The following PPP1R9A variants were observed in gnomAD, a reference collection of about 807,000 sequenced individuals.
PPP1R9A encodes neurabin-1.
A neutral mutation model predicts 141.9 loss-of-function variants in PPP1R9A; 59 were observed. That is an observed-to-expected ratio of 0.42 (90% CI 0.34 to 0.52). The LOEUF is 0.52. Among genes scored for constraint, PPP1R9A ranks in the 20% least tolerant of loss-of-function variants. The probability of loss-of-function intolerance (pLI) is 0.10; values close to 1 mark genes in which losing one functional copy is unlikely to be tolerated. For synonymous variants in PPP1R9A, 500 were observed against 569.7 expected (o/e 0.88, Z 1.74); for missense variants, 1,444 against 1,611.9 (o/e 0.90, Z 1.78).
At chr7:95,288,783 T>G in intron 19 of PPP1R9A, 65 bp downstream of exon 19, 1 of 1,544,830 alleles carries the variant, frequency 6.5e-7, no homozygotes, top group Admixed American at 1.9e-5. Context: ...TCACCTAAAA[T>G]GTTTTCATTA....
intron 7 of PPP1R9A, among the ~76,000 whole-genome samples, chr7:95,204,522 G>T (rs1790270890): frequency 6.6e-6 from 1 of 151,880 alleles, no homozygotes; most frequent in Non-Finnish European, 1.5e-5. Flanking sequence ...GAATCACAAG[G>T]TGCTTGGAAA....
chr7:95,078,773 G>A (rs1257550390), intron 2 of PPP1R9A, among the ~76,000 whole-genome samples: 1 of 150,930 alleles, frequency 6.6e-6, no homozygotes, highest in Non-Finnish European at 1.5e-5. Flanking sequence ...CTGCATAAAT[G>A]TCTTCTTTTG....
intron 12 of PPP1R9A, among the ~76,000 whole-genome samples, chr7:95,258,690 A>G (rs193025832): frequency 2.6e-5 from 4 of 152,196 alleles, no homozygotes; most frequent in African/African-American, 9.7e-5. Context: ...ACATAGTAGA[A>G]AAATGGGCAA....
rs1436769684 is a variant in PPP1R9A, at chr7:95,225,975, C to T, written c.1971C>T (p.Ala657=). 3 of 1,606,680 alleles carry T rather than the reference C, an allele frequency of 1.9e-6. No homozygotes were observed. In the South Asian group the frequency reaches 3.3e-5, roughly 18 times the overall value. The change falls in exon 8 of 20, where the codon GCC becomes GCT. Residue 657 remains alanine (A), a synonymous_variant. Transcript: ENST00000433360. ...CTTCCTTTCAGACAGGAGAATATGC[C>T]ACAGATGAAGAAGAAGATGAGGTAG... ...NNYFLKTGEY[A]TDEEEDEVGP... is the part of the protein sequence containing the mutation.
At chr7:94,999,475 A>G (rs957090158) in intron 2 of PPP1R9A, among the ~76,000 whole-genome samples, 8 of 152,218 alleles carry the variant, frequency 5.3e-5, no homozygotes, top group African/African-American at 7.2e-5. Context: ...TTGAAGAATT[A>G]TGTTGCTGCT....
intron 2 of PPP1R9A, among the ~76,000 whole-genome samples, chr7:94,916,289 C>T (rs1360150500): frequency 1.3e-5 from 2 of 152,138 alleles, no homozygotes; most frequent in Non-Finnish European, 2.9e-5. Context: ...AGGAAAACCA[C>T]GTTAACAGTA....
At chr7:95,185,649 T>C (rs553795305) in intron 5 of PPP1R9A, among the ~76,000 whole-genome samples, 6 of 152,326 alleles carry the variant, frequency 3.9e-5, no homozygotes, top group Admixed American at 1.3e-4. Flanking sequence ...CTAGAATTTT[T>C]ATGGTTTCAG....
chr7:95,214,844 C>A (rs966877767), intron 7 of PPP1R9A, among the ~76,000 whole-genome samples: 2 of 152,024 alleles, frequency 1.3e-5, no homozygotes, highest in African/African-American at 4.8e-5. Context: ...TACCAATGAC[C>A]TGACAAGGTG....
chr7:95,008,634 G>A (rs551800031), intron 2 of PPP1R9A, among the ~76,000 whole-genome samples: 4 of 152,110 alleles, frequency 2.6e-5, no homozygotes, highest in African/African-American at 9.7e-5. Flanking sequence ...TTGTCCTCTG[G>A]TAGAAGAGGT....
intron 5 of PPP1R9A, among the ~76,000 whole-genome samples, chr7:95,195,851 G>A (rs1836192645): frequency 6.6e-6 from 1 of 152,068 alleles, no homozygotes; most frequent in Non-Finnish European, 1.5e-5. Context: ...AAGAGTTCAA[G>A]AACAGCCTGG....
chr7:95,020,454 GTTAT>G (rs975572067), intron 2 of PPP1R9A, among the ~76,000 whole-genome samples: 5 of 151,898 alleles, frequency 3.3e-5, no homozygotes, highest in Non-Finnish European at 5.9e-5. Context: ...CATTTTTGTT[GTTAT>G]TTATTTATTT....
intron 4 of PPP1R9A, among the ~76,000 whole-genome samples, chr7:95,132,737 C>T (rs1824890981): frequency 6.6e-6 from 1 of 151,334 alleles, no homozygotes; most frequent in Non-Finnish European, 1.5e-5. Flanking sequence ...AGTCTGGATG[C>T]TGCACCCGCC....
At chr7:94,965,713 T>C (rs1798130965) in intron 2 of PPP1R9A, among the ~76,000 whole-genome samples, 1 of 152,220 alleles carries the variant, frequency 6.6e-6, no homozygotes, top group Admixed American at 6.5e-5. Context: ...GCTGTTTTGG[T>C]TACTGTAGCC....
At chr7:95,171,870 A>G (rs1832164640) in intron 5 of PPP1R9A, among the ~76,000 whole-genome samples, 1 of 151,652 alleles carries the variant, frequency 6.6e-6, no homozygotes, top group Admixed American at 6.6e-5. Flanking sequence ...AATACAAACT[A>G]TCACAAACCA....
intron 2 of PPP1R9A, among the ~76,000 whole-genome samples, chr7:94,989,906 G>C (rs564054825): frequency 1.1e-3 from 168 of 152,140 alleles, no homozygotes; most frequent in African/African-American, 3.9e-3. Context: ...ATATAATAAA[G>C]TAGTTGTGAA....
intron 4 of PPP1R9A, among the ~76,000 whole-genome samples, chr7:95,123,367 G>A (rs1822973565): frequency 6.6e-6 from 1 of 152,120 alleles, no homozygotes; most frequent in African/African-American, 2.4e-5. Context: ...ATGTAACTTG[G>A]GCCAGGCGAG....
At chr7:94,916,376 C>T (rs1202187775) in intron 2 of PPP1R9A, among the ~76,000 whole-genome samples, 1 of 152,192 alleles carries the variant, frequency 6.6e-6, no homozygotes, top group Admixed American at 6.5e-5. Context: ...CAAGAGATCA[C>T]TCTTTGGAAT....
At chr7:95,267,657 AT>A (rs1801507962) in intron 12 of PPP1R9A, among the ~76,000 whole-genome samples, 1 of 151,940 alleles carries the variant, frequency 6.6e-6, no homozygotes, top group East Asian at 1.9e-4. Context: ...TTAATAGTTC[AT>A]TTTCTTTGTG....
intron 2 of PPP1R9A, among the ~76,000 whole-genome samples, chr7:95,003,344 T>G (rs2151541990): frequency 6.6e-6 from 1 of 152,206 alleles, no homozygotes; most frequent in East Asian, 1.9e-4. Flanking sequence ...GAAATAAAAT[T>G]TCCGGGTTCT....
Sources: allele counts gnomAD v4.1 joint callset (sites outside exome capture counted in the v4.1 genomes callset), GRCh38; gene constraint gnomAD v4.1.1; transcripts MANE v1.5; gene names NCBI Gene and HGNC (gene_info 2026-07-23, HGNC 2026-07-21).